RXFP2: variants seen among roughly 807,000 people sequenced by gnomAD.
The protein encoded by RXFP2 is relaxin family peptide receptor 2.
RXFP2 carries 68 observed loss-of-function variants against 88.6 expected under a neutral mutation model. The observed-to-expected ratio is 0.77, with a 90% CI of 0.63 to 0.94. The LOEUF (loss-of-function observed/expected upper bound fraction) is 0.94, where lower values mean the gene tolerates loss of function less well. RXFP2 is among the 40% of genes least tolerant of loss of function. The pLI, the probability that RXFP2 is intolerant of heterozygous loss-of-function variation, is 0.00. For synonymous variants in RXFP2, 329 were observed against 306.8 expected, an observed-to-expected ratio of 1.07 and a Z score of -0.76; for missense variants, 791 against 893.9, an observed-to-expected ratio of 0.88 and a Z score of 1.47.
intron 3 of RXFP2, 131 bp from the exon 4 acceptor site, chr13:31,764,906 C>A: frequency 1.5e-6 from 1 of 645,286 alleles, no homozygotes; most frequent in South Asian, 1.6e-5. Flanking sequence ...TTATTAGGGG[C>A]TGAATGAGTT....
At chr13:31,768,443 T>G (rs1872628202) in intron 5 of RXFP2, among the ~76,000 whole-genome samples, 1 of 152,184 alleles carries the variant, frequency 6.6e-6, no homozygotes, top group South Asian at 2.1e-4. Context: ...TTGGCTTTGA[T>G]CTCCAAAGTC....
intron 15 of RXFP2, among the ~76,000 whole-genome samples, chr13:31,792,259 C>T (rs944257610): frequency 6.6e-6 from 1 of 152,026 alleles, no homozygotes; most frequent in Non-Finnish European, 1.5e-5. Flanking sequence ...TGGGAATGGG[C>T]TAATAGGCAA....
intron 17 of RXFP2, among the ~76,000 whole-genome samples, chr13:31,800,565 C>A (rs1481008678): frequency 1.3e-5 from 2 of 152,140 alleles, no homozygotes; most frequent in Admixed American, 1.3e-4. Flanking sequence ...GAGTGAGACT[C>A]CATTTCAAAA....
At chr13:31,759,045 C>CT (rs1330131948) in intron 2 of RXFP2, among the ~76,000 whole-genome samples, 1 of 136,950 alleles carries the variant, frequency 7.3e-6, no homozygotes, top group Non-Finnish European at 1.6e-5. Flanking sequence ...AAAACTCCAT[C>CT]TCAAAAAAAA....
chr13:31,779,185 G>C (rs893330984), intron 9 of RXFP2, among the ~76,000 whole-genome samples: 18 of 150,556 alleles, frequency 1.2e-4, no homozygotes, highest in African/African-American at 4.4e-4. Flanking sequence ...GAGTGCAGTG[G>C]TGCGATCTCG....
At chr13:31,797,995 C>T (rs955900433) in intron 17 of RXFP2, among the ~76,000 whole-genome samples, 1 of 152,202 alleles carries the variant, frequency 6.6e-6, no homozygotes, top group Admixed American at 6.5e-5. Flanking sequence ...CTTCTGGAAT[C>T]TAGAGATCAC....
At chr13:31,757,607 C>T (rs1872017321) in intron 1 of RXFP2, among the ~76,000 whole-genome samples, 1 of 152,180 alleles carries the variant, frequency 6.6e-6, no homozygotes, top group Non-Finnish European at 1.5e-5. Flanking sequence ...TAAGTAAATA[C>T]ATCTACCCAT....
chr13:31,755,658 A>G (rs1047532862), intron 1 of RXFP2, among the ~76,000 whole-genome samples: 15 of 152,190 alleles, frequency 9.9e-5, no homozygotes, highest in African/African-American at 3.6e-4. Flanking sequence ...CAAGCAAGAA[A>G]TTAAGGGATT....
At chr13:31,757,954 T>C (rs1374355114) in intron 1 of RXFP2, among the ~76,000 whole-genome samples, 1 of 152,034 alleles carries the variant, frequency 6.6e-6, no homozygotes, top group Non-Finnish European at 1.5e-5. Flanking sequence ...TAGCCGGGTG[T>C]GGTGGTTCAC....
intron 1 of RXFP2, among the ~76,000 whole-genome samples, chr13:31,747,712 C>T (rs1429163648): frequency 6.6e-6 from 1 of 152,136 alleles, no homozygotes; most frequent in Non-Finnish European, 1.5e-5. Context: ...CTTTTAATGG[C>T]AAAAACCACA....
In RXFP2 at chr13:31,791,856, G is replaced by A. The variant is rs1200513801; in HGVS notation, c.1196G>A (p.Cys399Tyr). The change falls in exon 15 of 18, where the codon TGT (cysteine) becomes TAT (tyrosine). Residue 399 changes from cysteine (C) to tyrosine (Y), a missense_variant. By Grantham distance (194) the Cys-to-Tyr change is radical. Coordinates refer to ENST00000298386, the MANE Select transcript of RXFP2 (RefSeq NM_130806.5). ...YCSYAPHVRI[C>Y]MPLTDGISSF... ...TCCTATGCTCCCCATGTCCGAATAT[G>A]TATGCCCTTGACGGACGGCATTTCT... is the stretch of plus-strand genomic sequence containing the variant. 1.2e-6 allele frequency: 2 copies of A among 1,614,070 alleles called. No homozygotes were observed. The highest frequency in any genetic ancestry group is 1.7e-5 in the Admixed American group (1 of 60,018).
At chr13:31,753,533 TC>T (rs1871769935) in intron 1 of RXFP2, among the ~76,000 whole-genome samples, 1 of 152,098 alleles carries the variant, frequency 6.6e-6, no homozygotes, top group Non-Finnish European at 1.5e-5. Context: ...ATTTTTATAA[TC>T]CCCAAGCTTC....
chr13:31,748,099 G>A (rs1246582412), intron 1 of RXFP2, among the ~76,000 whole-genome samples: 1 of 152,292 alleles, frequency 6.6e-6, no homozygotes, highest in Non-Finnish European at 1.5e-5. Context: ...ATGTCATTGA[G>A]AAATATTCCA....
At chr13:31,788,031 T>A (rs1419415260) in intron 13 of RXFP2, among the ~76,000 whole-genome samples, 1 of 152,080 alleles carries the variant, frequency 6.6e-6, no homozygotes, top group Admixed American at 6.5e-5. Context: ...TTTTAGCACT[T>A]GGGATACAGT....
intron 9 of RXFP2, among the ~76,000 whole-genome samples, chr13:31,781,194 T>C (rs1873252447): frequency 6.6e-6 from 1 of 152,210 alleles, no homozygotes; most frequent in Non-Finnish European, 1.5e-5. Flanking sequence ...TAGTTAAGTG[T>C]CTAGGCTTTA....
At chr13:31,748,216 C>T (rs966795270) in intron 1 of RXFP2, among the ~76,000 whole-genome samples, 1 of 152,186 alleles carries the variant, frequency 6.6e-6, no homozygotes, top group Admixed American at 6.5e-5. Flanking sequence ...TCTTGGTGCA[C>T]ATGTGCATGA....
In RXFP2 at chr13:31,765,958, C is replaced by A. The variant is rs776251516; in HGVS notation, c.428C>A (p.Ser143Tyr). 1.3e-6 allele frequency: 2 copies of A among 1,483,346 alleles called. No homozygotes were observed. The highest frequency in any genetic ancestry group is 1.9e-6 in the Non-Finnish European group (2 of 1,067,858). The allele number at this position is 1,483,346 out of a possible 1,614,324, so 91.9% of individuals were successfully genotyped here. A position where few individuals can be genotyped will look rare whatever the true frequency, so the allele number is the denominator to read the frequency against. The change falls in exon 5 of 18, where the codon TCT becomes TAT. Residue 143 changes from serine to tyrosine, a missense_variant and splice_region_variant. Transcript: ENST00000298386. ...PMISNNVTLL[S>Y]LKKNKIHSLP... is the part of the protein sequence containing the mutation. ...GTTTGCTTTACATGTTATTTTAGGTCTCTTAAGAAAAACAAAATCCACAGT... is the reference window on the plus strand; with the variant it reads ...GTTTGCTTTACATGTTATTTTAGGTATCTTAAGAAAAACAAAATCCACAGT...
Position 31,787,367 on chromosome 13 carries a change from A to G in RXFP2, c.1073+730A>G, listed in dbSNP as rs142774923. On this transcript the variant is annotated intron_variant, in intron 13 of 17. Coordinates refer to ENST00000298386, the MANE Select transcript of RXFP2 (RefSeq NM_130806.5). ...GCAAGATTTAGGTTTCTCTCTTACC[A>G]GATATTAGTGAGCATCCACTGATGA... Among the ~76,000 whole-genome samples, 20 of 152,346 alleles carry G rather than the reference A, an allele frequency of 1.3e-4. No individual in the cohort carries two copies. In the East Asian group the frequency reaches 3.9e-3, roughly 29 times the overall value.
At chr13:31,774,915 C>T (rs1171941727) in intron 6 of RXFP2, among the ~76,000 whole-genome samples, 1 of 152,190 alleles carries the variant, frequency 6.6e-6, no homozygotes, top group East Asian at 1.9e-4. Context: ...TAGCTTGGGT[C>T]ACTTCCACAA....
Sources: allele counts gnomAD v4.1 joint callset (sites outside exome capture counted in the v4.1 genomes callset), GRCh38; gene constraint gnomAD v4.1.1; transcripts MANE v1.5; gene names NCBI Gene and HGNC (gene_info 2026-07-23, HGNC 2026-07-21).